Variants in SDR42E1 observed in about 807,000 individuals in gnomAD.
The protein encoded by SDR42E1 is short chain dehydrogenase/reductase family 42E, member 1, also known as short-chain dehydrogenase/reductase family 42E member 1.
Under a neutral mutation model 2.6 loss-of-function variants are expected in SDR42E1, and 5 were observed. That is an observed-to-expected ratio of 1.94 (90% CI 1.01 to 4.08). The LOEUF (loss-of-function observed/expected upper bound fraction) is 4.08. SDR42E1 is among the 30% of genes most tolerant of loss of function. The probability of loss-of-function intolerance (pLI) is 0.00; values close to 1 mark genes in which losing one functional copy is unlikely to be tolerated. For missense variants in SDR42E1, 596 were observed against 478.6 expected (o/e 1.25, Z -2.29); for synonymous variants, 231 against 188.3 (o/e 1.23, Z -1.86).
intron 1 of SDR42E1, among the ~76,000 whole-genome samples, chr16:82,005,632 T>C (rs954701998): frequency 2.6e-5 from 4 of 151,664 alleles, no homozygotes; most frequent in Admixed American, 2.6e-4. Context: ...CTGTGGCTTC[T>C]GTTTTATTAA....
At position 82,001,849 on chromosome 16, in the gene SDR42E1, C is replaced by T. The variant is rs573040762; in HGVS notation, c.-26-965G>A. Among the ~76,000 whole-genome samples the T allele has an allele frequency of 3.4e-5, 5 of 148,078 alleles. No homozygotes were observed. The East Asian group carries it at 6.0e-4, about 18-fold the overall frequency. ...CCCAGGAGGCGTAGCTGGCAATGAG[C>T]GAAGATCGCGCCACTGCACTCTAGC... On this transcript the variant is annotated intron_variant, in intron 1 of 2. Coordinates refer to ENST00000328945, the MANE Select transcript of SDR42E1 (RefSeq NM_145168.3).
At chr16:82,003,599 C>G (rs368246261) in intron 1 of SDR42E1, among the ~76,000 whole-genome samples, 25 of 152,316 alleles carry the variant, frequency 1.6e-4, no homozygotes, top group East Asian at 5.8e-4. Flanking sequence ...ACATCGTATA[C>G]TAGGTCCTTT....
At chr16:82,007,562 C>G (rs1474252315) in intron 1 of SDR42E1, 1 of 152,232 alleles carries the variant, frequency 6.6e-6, no homozygotes, top group Non-Finnish European at 1.5e-5. Context: ...AACCCAGGTG[C>G]ATCTGACTCT....
intron 1 of SDR42E1, among the ~76,000 whole-genome samples, chr16:82,009,841 C>T (rs1006896703): frequency 1.3e-5 from 2 of 152,186 alleles, no homozygotes; most frequent in Non-Finnish European, 2.9e-5. Context: ...TGTGTCTCCA[C>T]CCAAATCTCA....
Position 82,009,265 on chromosome 16 carries a change from G to T in SDR42E1, c.-27+2122C>A, listed in dbSNP as rs112881229. 2.2e-3 allele frequency among the ~76,000 whole-genome samples: 341 copies of T among 152,324 alleles called. 1 individual carries two copies. Among genetic ancestry groups the T allele is most frequent in the African/African-American group, 7.5e-3 (311 of 41,578 alleles). ...GTCCCCACTGGGACACTGCCTAGTG[G>T]AGCTGTGAGAAGAGAGCTACCATCC... On this transcript the variant is annotated intron_variant, in intron 1 of 2. Transcript: ENST00000328945.
Position 81,993,921 on chromosome 16 carries a change from A to C in SDR42E1, c.*5190T>G, listed in dbSNP as rs931603840. On this transcript the variant is annotated 3_prime_UTR_variant, in exon 3 of 3. Coordinates refer to ENST00000328945, the MANE Select transcript of SDR42E1 (RefSeq NM_145168.3). ...AAAAGGAAATCAATCTCATTTTTTA[A>C]GAAAAACTCCAGCAAATGTTAAATT... The C allele has an allele frequency of 2.6e-5, 4 of 152,194 alleles. No individual in the cohort carries two copies. Among genetic ancestry groups the C allele is most frequent in the African/African-American group, 9.7e-5 (4 of 41,448 alleles). The allele number at this position is 152,194 out of a possible 1,614,324, so 9.4% of individuals were successfully genotyped here.
chr16:82,009,538 C>A (rs941654603), intron 1 of SDR42E1, among the ~76,000 whole-genome samples: 1 of 152,226 alleles, frequency 6.6e-6, no homozygotes, highest in African/African-American at 2.4e-5. Flanking sequence ...TTTAGACTTG[C>A]ATGGGGCCTG....
In SDR42E1 at chr16:81,999,357, AG is replaced by A. The variant is rs764774706; in HGVS notation, c.935del (p.Thr312IlefsTer16). ...GRLYNFQPFL[T>X]RTEVYKTGVT... is the part of the protein sequence containing the mutation. The stretch of plus-strand genomic sequence containing the variant: ...CACCAGTTTTGTAAACTTCAGTGCG[AG>A]TGAGGAAGGGCTGGAAGTTGTAGAG... On this transcript the variant is annotated frameshift_variant, in exon 3 of 3. Transcript: ENST00000328945. LOFTEE classifies it low-confidence loss of function (END_TRUNC). 4.3e-6 allele frequency: 7 copies of A among 1,614,202 alleles called. No individual in the cohort carries two copies. Among genetic ancestry groups the A allele is most frequent in the Non-Finnish European group, 5.9e-6 (7 of 1,180,034 alleles).
intron 1 of SDR42E1, among the ~76,000 whole-genome samples, chr16:82,005,755 G>A (rs1451001999): frequency 6.6e-6 from 1 of 152,152 alleles, no homozygotes; most frequent in Non-Finnish European, 1.5e-5. Flanking sequence ...CTCTCCCCTG[G>A]TGGGGAGGGC....
At chr16:82,006,212 G>C (rs1051842392) in intron 1 of SDR42E1, among the ~76,000 whole-genome samples, 1 of 152,148 alleles carries the variant, frequency 6.6e-6, no homozygotes, top group African/African-American at 2.4e-5. Flanking sequence ...TTTACTTTAA[G>C]AGAGAGAAAA....
At chr16:82,004,395 T>C (rs60710533) in intron 1 of SDR42E1, among the ~76,000 whole-genome samples, 6,446 of 152,300 alleles carry the variant, frequency 0.042, 438 homozygotes, top group African/African-American at 0.15. Flanking sequence ...GAGTCCGCCA[T>C]GGCTGGTGTG....
rs1466515148 is a variant in SDR42E1 at position 81,996,501 on chromosome 16, G to C, written c.*2610C>G. 6.6e-6 allele frequency: 1 copy of C among 152,070 alleles called. No individual in the cohort carries two copies. Among genetic ancestry groups the C allele is most frequent in the African/African-American group, 2.4e-5 (1 of 41,350 alleles). The allele number at this position is 152,070 out of a possible 1,614,324, so 9.4% of individuals were successfully genotyped here. Reference sequence around the variant, plus strand: ...CCCTGTAAGAATTTGGGGTGGGAGAGGATTATGAATTCCACTTTGGCTACA... The same window carrying C: ...CCCTGTAAGAATTTGGGGTGGGAGACGATTATGAATTCCACTTTGGCTACA... On this transcript the variant is annotated 3_prime_UTR_variant, in exon 3 of 3. Coordinates refer to ENST00000328945, the MANE Select transcript of SDR42E1 (RefSeq NM_145168.3).
Position 81,993,359 on chromosome 16 carries a change from A to T in SDR42E1, c.*5752T>A, listed in dbSNP as rs1483402287. 2 of 152,184 alleles carry T rather than the reference A, an allele frequency of 1.3e-5. No individual in the cohort carries two copies. Among genetic ancestry groups the T allele is most frequent in the East Asian group, 1.9e-4 (1 of 5,196 alleles). The allele number at this position is 152,184 out of a possible 1,614,324, so 9.4% of individuals were successfully genotyped here. A position where few individuals can be genotyped will look rare whatever the true frequency, so the allele number is the denominator to read the frequency against. On this transcript the variant is annotated 3_prime_UTR_variant, in exon 3 of 3. Coordinates refer to ENST00000328945, the MANE Select transcript of SDR42E1 (RefSeq NM_145168.3). The stretch of plus-strand genomic sequence containing the variant: ...GAGTGCAGATTACCAACCAACACAG[A>T]CTTTCTCAATCAGAAGCATCAGGGA...
rs1329421769 is a variant in SDR42E1 at position 81,996,155 on chromosome 16, A to G, written c.*2956T>C. The G allele has an allele frequency of 6.6e-6, 1 of 152,218 alleles. No individual in the cohort carries two copies. 9.4% of individuals were successfully genotyped at this position (152,218 alleles called of 1,614,324 possible). A position where few individuals can be genotyped will look rare whatever the true frequency, so the allele number is the denominator to read the frequency against. ...CTCTTGATCACGTTAAAGATTCTCAACCTAAGGAAAGTTTTCAGCAGAGAA... is the reference window on the plus strand; with the variant it reads ...CTCTTGATCACGTTAAAGATTCTCAGCCTAAGGAAAGTTTTCAGCAGAGAA... On this transcript the variant is annotated 3_prime_UTR_variant, in exon 3 of 3. Transcript: ENST00000328945.
rs766605628 is a variant in SDR42E1 at position 82,000,774 on chromosome 16, T to C, written c.68+17A>G. On this transcript the variant is annotated intron_variant, in intron 2 of 2. Coordinates refer to ENST00000328945, the MANE Select transcript of SDR42E1 (RefSeq NM_145168.3). ...CAGTAAAATAATTCCATGTGTATAT[T>C]TTATAGATACACTTACCGAAAACCA... The C allele has an allele frequency of 1.9e-6, 3 of 1,572,834 alleles. No individual in the cohort carries two copies. The highest frequency in any genetic ancestry group is 2.6e-6 in the Non-Finnish European group (3 of 1,144,154).
rs765377203 is a variant in SDR42E1 at position 82,000,019 on chromosome 16, G to T, written c.274C>A (p.Arg92=). The T allele has an allele frequency of 6.2e-7, 1 of 1,614,158 alleles. No homozygotes were observed. Among genetic ancestry groups the T allele is most frequent in the Non-Finnish European group, 8.5e-7 (1 of 1,180,024 alleles). ...YGMSGREQLN[R]NLIKEVNVRG... ...ACGTTGACTTCTTTGATCAGGTTTC[G>T]ATTGAGTTGCTCCCGCCCTGACATA... Residue 92 remains arginine, a synonymous_variant, in exon 3 of 3, where the codon CGA becomes AGA. Coordinates refer to ENST00000328945, the MANE Select transcript of SDR42E1 (RefSeq NM_145168.3).
intron 1 of SDR42E1, among the ~76,000 whole-genome samples, chr16:82,010,958 C>T (rs1913105782): frequency 6.6e-6 from 1 of 152,216 alleles, no homozygotes; most frequent in Admixed American, 6.5e-5. Flanking sequence ...AACCTACTTA[C>T]CTTTTCCCAA....
Position 81,999,524 on chromosome 16 carries a change from C to G in SDR42E1, c.769G>C (p.Gly257Arg). ...AACTCAAAGTTGTTCACGGGTCTGC[C>G]ATCTGAGATGAAGTAGGGCTGCCCA... ...ASGQPYFISD[G>R]RPVNNFEFFR... The change falls in exon 3 of 3, where the codon GGC (glycine) becomes CGC (arginine). Residue 257 changes from glycine to arginine, a missense_variant. Coordinates refer to ENST00000328945, the MANE Select transcript of SDR42E1 (RefSeq NM_145168.3). The G allele has an allele frequency of 6.2e-7, 1 of 1,614,184 alleles. No individual in the cohort carries two copies. Among genetic ancestry groups the G allele is most frequent in the Non-Finnish European group, 8.5e-7 (1 of 1,180,030 alleles).
At chr16:82,001,138 A>ATGTACTT (rs1912745302) in intron 1 of SDR42E1, among the ~76,000 whole-genome samples, 1 of 152,196 alleles carries the variant, frequency 6.6e-6, no homozygotes, top group African/African-American at 2.4e-5. Flanking sequence ...AAATAAGAGA[A>ATGTACTT]TGTACTTGGC....
Sources: allele counts gnomAD v4.1 joint callset (sites outside exome capture counted in the v4.1 genomes callset), GRCh38; gene constraint gnomAD v4.1.1; transcripts MANE v1.5; gene names NCBI Gene and HGNC (gene_info 2026-07-23, HGNC 2026-07-21).